Variants in VAT1L observed in about 807,000 individuals in gnomAD.
VAT1L encodes putative NADPH-dependent quinone oxidoreductase VAT1L.
A neutral mutation model predicts 44.1 loss-of-function variants in VAT1L; 34 were observed. That is an observed-to-expected ratio of 0.77 (90% CI 0.59 to 1.03). VAT1L has a LOEUF of 1.03. VAT1L is among the 50% of genes least tolerant of loss of function. The pLI is 0.00. For synonymous variants in VAT1L, 253 were observed against 202.2 expected (o/e 1.25, Z -2.13); for missense variants, 615 against 538.8 (o/e 1.14, Z -1.40).
intron 3 of VAT1L, among the ~76,000 whole-genome samples, chr16:77,835,480 C>A (rs868782335): frequency 6.6e-6 from 1 of 152,278 alleles, no homozygotes; most frequent in East Asian, 1.9e-4. Flanking sequence ...TCCTTCAAGG[C>A]CCCAACTAGC....
chr16:77,933,332 A>C (rs1007729623), intron 7 of VAT1L, among the ~76,000 whole-genome samples: 1 of 152,140 alleles, frequency 6.6e-6, no homozygotes, highest in African/African-American at 2.4e-5. Flanking sequence ...TATCTTCCTG[A>C]CTCCAAAAAC....
chr16:77,873,988 C>T (rs1125692), intron 4 of VAT1L, among the ~76,000 whole-genome samples: 48,550 of 151,986 alleles, frequency 0.32, 8,052 homozygotes, highest in East Asian at 0.48. Context: ...TCTGCAGAAC[C>T]AGAGTCCAGC....
chr16:77,961,082 G>A (rs2018154969), intron 7 of VAT1L, among the ~76,000 whole-genome samples: 1 of 152,094 alleles, frequency 6.6e-6, no homozygotes, highest in African/African-American at 2.4e-5. Flanking sequence ...TTTTCTGAGA[G>A]CATCTATCAG....
intron 7 of VAT1L, among the ~76,000 whole-genome samples, chr16:77,922,567 C>A (rs2017623922): frequency 6.6e-6 from 1 of 152,150 alleles, no homozygotes; most frequent in Admixed American, 6.5e-5. Flanking sequence ...GAGAGAGGTG[C>A]TGTGACATGT....
intron 1 of VAT1L, among the ~76,000 whole-genome samples, chr16:77,808,099 T>C (rs540107750): frequency 2.6e-5 from 4 of 152,046 alleles, no homozygotes; most frequent in African/African-American, 4.8e-5. Flanking sequence ...AGGTAATTGG[T>C]GGGCAAGGAA....
At chr16:77,885,199 C>T (rs1389719063) in intron 7 of VAT1L, among the ~76,000 whole-genome samples, 4 of 152,236 alleles carry the variant, frequency 2.6e-5, no homozygotes, top group East Asian at 3.9e-4. Context: ...TTGTGTGCTC[C>T]GCTGGATGCC....
chr16:77,864,263 C>T (rs549503814), intron 4 of VAT1L, among the ~76,000 whole-genome samples: 6 of 152,262 alleles, frequency 3.9e-5, no homozygotes, highest in South Asian at 4.1e-4. Flanking sequence ...AAAATTGTTA[C>T]GTACAAAGGT....
intron 7 of VAT1L, among the ~76,000 whole-genome samples, chr16:77,966,705 A>C (rs1380439166): frequency 6.6e-6 from 1 of 152,192 alleles, no homozygotes; most frequent in Non-Finnish European, 1.5e-5. Context: ...TCAACATGTA[A>C]TAAATGTCAA....
At chr16:77,923,636 C>A (rs944959404) in intron 7 of VAT1L, among the ~76,000 whole-genome samples, 1 of 152,178 alleles carries the variant, frequency 6.6e-6, no homozygotes, top group African/African-American at 2.4e-5. Context: ...CCTAGTCACA[C>A]AGCTTTCTCC....
intron 7 of VAT1L, among the ~76,000 whole-genome samples, chr16:77,933,206 T>A (rs1388834742): frequency 2.0e-5 from 3 of 152,236 alleles, no homozygotes; most frequent in South Asian, 2.1e-4. Context: ...TTTGGACTTA[T>A]AGTAAACCCC....
At chr16:77,906,279 C>T (rs911930036) in intron 7 of VAT1L, among the ~76,000 whole-genome samples, 7 of 152,130 alleles carry the variant, frequency 4.6e-5, no homozygotes, top group Admixed American at 6.5e-5. Flanking sequence ...AATGTGGAGA[C>T]GGCTTTCAGA....
intron 3 of VAT1L, among the ~76,000 whole-genome samples, chr16:77,832,491 A>G (rs182998371): frequency 3.3e-5 from 5 of 152,312 alleles, no homozygotes; most frequent in Admixed American, 6.5e-5. Context: ...TGGAAGAAGC[A>G]TTCCTGGATC....
At chr16:77,796,571 T>G (rs1039806562) in intron 1 of VAT1L, among the ~76,000 whole-genome samples, 5 of 152,220 alleles carry the variant, frequency 3.3e-5, no homozygotes, top group African/African-American at 4.8e-5. Flanking sequence ...CTTCCTCACT[T>G]TGTTAATGAT....
At chr16:77,965,321 A>G (rs930353662) in intron 7 of VAT1L, among the ~76,000 whole-genome samples, 6 of 152,186 alleles carry the variant, frequency 3.9e-5, no homozygotes, top group African/African-American at 1.4e-4. Context: ...AGTTGTTAGA[A>G]TGATATTACC....
intron 7 of VAT1L, among the ~76,000 whole-genome samples, chr16:77,950,594 G>A (rs761481072): frequency 3.9e-5 from 6 of 152,102 alleles, no homozygotes; most frequent in East Asian, 3.9e-4. Flanking sequence ...TATGTTCAGC[G>A]TGATCTTATC....
intron 7 of VAT1L, among the ~76,000 whole-genome samples, chr16:77,958,026 GCCTTCCAAGTAGCTGGGA>G (rs1462365071): frequency 6.6e-6 from 1 of 151,960 alleles, no homozygotes; most frequent in Non-Finnish European, 1.5e-5. Flanking sequence ...TCCTTCTTCT[GCCTTCCAAGTAGCTGGGA>G]CTACAGGCAT....
chr16:77,976,033 C>T (rs435613), intron 8 of VAT1L, among the ~76,000 whole-genome samples: 54,814 of 152,122 alleles, frequency 0.36, 10,656 homozygotes, highest in East Asian at 0.51. Context: ...CCAATGTCTG[C>T]GAGCCAATTG....
chr16:77,848,660 G>A (rs997281293), intron 3 of VAT1L, among the ~76,000 whole-genome samples: 15 of 152,082 alleles, frequency 9.9e-5, no homozygotes, highest in Non-Finnish European at 1.9e-4. Flanking sequence ...TTTGCCCAAC[G>A]CCAGCTATCC....
intron 7 of VAT1L, among the ~76,000 whole-genome samples, chr16:77,898,847 C>T (rs900864989): frequency 6.6e-6 from 1 of 152,198 alleles, no homozygotes; most frequent in Non-Finnish European, 1.5e-5. Context: ...AACAGAAGCT[C>T]TGAACAGCAC....
Sources: gnomAD v4.1 joint callset for allele counts (sites outside exome capture counted in the v4.1 genomes callset) on GRCh38, gnomAD v4.1.1 for gene constraint, MANE v1.5 for transcripts, NCBI Gene and HGNC (gene_info 2026-07-23, HGNC 2026-07-21) for gene names.